The following CLVS1 variants were observed in gnomAD, a reference collection of about 807,000 sequenced individuals.
The protein encoded by CLVS1 is clavesin-1.
A neutral mutation model predicts 33.1 loss-of-function variants in CLVS1; 10 were observed. That is an observed-to-expected ratio of 0.30 (90% confidence interval 0.19 to 0.51). The LOEUF (loss-of-function observed/expected upper bound fraction) is 0.51, where lower values mean the gene tolerates loss of function less well. Among genes scored for constraint, CLVS1 ranks in the 20% least tolerant of loss-of-function variants. CLVS1 has a pLI of 0.97. For synonymous variants in CLVS1, 163 were observed against 166.1 expected, an observed-to-expected ratio of 0.98 and a Z score of 0.14; for missense variants, 343 against 433.4, an observed-to-expected ratio of 0.79 and a Z score of 1.85.
chr8:61,110,989 G>A (rs1385860733), intron 1 of CLVS1, among the ~76,000 whole-genome samples: 1 of 152,146 alleles, frequency 6.6e-6, no homozygotes. Context: ...GGATAATGTT[G>A]CTATGAATAT....
At chr8:61,051,246 C>T in the CLVS1 span, among the ~76,000 whole-genome samples, 2 of 152,250 alleles carry the variant, frequency 1.3e-5, no homozygotes, top group Non-Finnish European at 2.9e-5. Context: ...ATCTACCCTG[C>T]ATGGCTGTTG....
At chr8:61,357,494 C>CTTTTTTCTTT (rs1812776886) in intron 2 of CLVS1, among the ~76,000 whole-genome samples, 2 of 25,810 alleles carry the variant, frequency 7.7e-5, no homozygotes, top group African/African-American at 2.0e-4. Context: ...TTTTTCTTTT[C>CTTTTTTCTTT]TTTTTTTTTT....
chr8:61,110,368 C>A (rs562993056), intron 1 of CLVS1, among the ~76,000 whole-genome samples: 2 of 152,124 alleles, frequency 1.3e-5, no homozygotes, highest in Non-Finnish European at 2.9e-5. Flanking sequence ...CTTTTTGAGA[C>A]GGCTTCCTCA....
At chr8:61,152,132 A>G (rs1051959404) in intron 2 of CLVS1, among the ~76,000 whole-genome samples, 1 of 152,142 alleles carries the variant, frequency 6.6e-6, no homozygotes, top group Non-Finnish European at 1.5e-5. Context: ...AACAACAAAC[A>G]TTTATTTCTC....
intron 3 of CLVS1, among the ~76,000 whole-genome samples, chr8:61,438,036 A>G (rs1319014817): frequency 6.6e-6 from 1 of 152,146 alleles, no homozygotes; most frequent in African/African-American, 2.4e-5. Context: ...AATTTTGTTT[A>G]ATTTTAAGTT....
intron 3 of CLVS1, among the ~76,000 whole-genome samples, chr8:61,382,531 C>T (rs1262860232): frequency 6.6e-6 from 1 of 152,196 alleles, no homozygotes; most frequent in Non-Finnish European, 1.5e-5. Flanking sequence ...TGAATCAGAG[C>T]TGTATTTCAA....
At chr8:61,261,988 G>GTGTGTGTGTA (rs1263723621) in intron 2 of CLVS1, among the ~76,000 whole-genome samples, 184 of 90,926 alleles carry the variant, frequency 2.0e-3, no homozygotes, top group East Asian at 0.016. Flanking sequence ...GTGTGTGTGT[G>GTGTGTGTGTA]TGTGTGTGTG....
rs866456094 is a variant in CLVS1 at position 61,269,326 on chromosome 8, T to C, written c.-151-30351T>C. 3.9e-5 allele frequency among the ~76,000 whole-genome samples: 6 copies of C among 152,346 alleles called. No homozygotes were observed. The Middle Eastern group carries it at 0.01, about 259-fold the overall frequency. On this transcript the variant is annotated intron_variant, in intron 2 of 2. Transcript: ENST00000522621. ...TGGTTTGTCAAAGATCAGATAGTTG[T>C]AGATGTGTGGTATTATTTCTGAGGG... is the stretch of plus-strand genomic sequence containing the variant.
intron 3 of CLVS1, among the ~76,000 whole-genome samples, chr8:61,389,420 A>G (rs1032846923): frequency 4.3e-4 from 66 of 152,172 alleles, no homozygotes; most frequent in African/African-American, 1.4e-3. Flanking sequence ...ACATGCCTGT[A>G]GTCCCAGCTA....
At chr8:61,164,222 GA>G (rs753972008) in intron 2 of CLVS1, among the ~76,000 whole-genome samples, 108 of 152,314 alleles carry the variant, frequency 7.1e-4, no homozygotes, top group Non-Finnish European at 1.3e-3. Context: ...CTAGGCGTAG[GA>G]ATTCTTAGTC....
chr8:61,456,655 G>A (rs372150041), intron 4 of CLVS1, among the ~76,000 whole-genome samples: 1 of 152,050 alleles, frequency 6.6e-6, no homozygotes, highest in Non-Finnish European at 1.5e-5. Context: ...GGTGGCTCAC[G>A]CCTGTAATCC....
chr8:61,220,769 A>G (rs968156133), intron 2 of CLVS1, among the ~76,000 whole-genome samples: 1 of 151,894 alleles, frequency 6.6e-6, no homozygotes, highest in Non-Finnish European at 1.5e-5. Flanking sequence ...CATTTTCATG[A>G]TATTGATTCT....
rs1393874863 is a variant in CLVS1, at chr8:61,117,953, G to A, written c.-242-13817G>A. 2.6e-5 allele frequency among the ~76,000 whole-genome samples: 4 copies of A among 152,204 alleles called. No homozygotes were observed. The East Asian group carries it at 7.7e-4, about 29-fold the overall frequency. ...AATAGTTTCAGAAGGAATGGTACCA[G>A]TTCCTCCTTGTACCTCTGGTAGACT... On this transcript the variant is annotated intron_variant, in intron 1 of 2. Transcript: ENST00000522621.
At chr8:61,239,816 C>T (rs922006557) in intron 2 of CLVS1, among the ~76,000 whole-genome samples, 6 of 152,154 alleles carry the variant, frequency 3.9e-5, no homozygotes, top group Non-Finnish European at 7.3e-5. Context: ...TAAGCTTTCA[C>T]GCAATATGTA....
intron 1 of CLVS1, among the ~76,000 whole-genome samples, chr8:61,089,672 G>A (rs573351817): frequency 6.6e-6 from 1 of 152,188 alleles, no homozygotes; most frequent in African/African-American, 2.4e-5. Flanking sequence ...TAATCCCAGG[G>A]CTTTGGGAGG....
chr8:61,229,347 G>T (rs1239923396), intron 2 of CLVS1, among the ~76,000 whole-genome samples: 1 of 152,138 alleles, frequency 6.6e-6, no homozygotes, highest in Non-Finnish European at 1.5e-5. Context: ...GGCCCTTACT[G>T]ACCACTTGCT....
chr8:61,030,848 G>A, the CLVS1 span, among the ~76,000 whole-genome samples: 1 of 152,206 alleles, frequency 6.6e-6, no homozygotes, highest in Non-Finnish European at 1.5e-5. Flanking sequence ...ACAGTAGAAA[G>A]GTGTAGGTTT....
intron 3 of CLVS1, among the ~76,000 whole-genome samples, chr8:61,448,707 CTCTCAAAAA>C (rs1174705153): frequency 1.4e-5 from 2 of 144,992 alleles, no homozygotes; most frequent in Non-Finnish European, 3.0e-5. Context: ...GAGACCCTCT[CTCTCAAAAA>C]AAAAAAAAAT....
At position 61,279,445 on chromosome 8, in the gene CLVS1, T is replaced by C. The variant is rs367960807; in HGVS notation, c.-151-20232T>C. On this transcript the variant is annotated intron_variant, in intron 2 of 2. Transcript: ENST00000522621. Reference sequence around the variant, plus strand: ...AGAGTACTGACTTGCAAGTTACAAATGTTAAAACCAAACTCTTGTAGTAGC... The same window carrying C: ...AGAGTACTGACTTGCAAGTTACAAACGTTAAAACCAAACTCTTGTAGTAGC... Among the ~76,000 whole-genome samples, 72 of 152,342 alleles carry C rather than the reference T, an allele frequency of 4.7e-4. 1 individual carries two copies. Among genetic ancestry groups the C allele is most frequent in the African/African-American group, 1.7e-3 (72 of 41,572 alleles).
Sources: gnomAD v4.1 joint callset for allele counts (sites outside exome capture counted in the v4.1 genomes callset) on GRCh38, gnomAD v4.1.1 for gene constraint, MANE v1.5 for transcripts, NCBI Gene and HGNC (gene_info 2026-07-23, HGNC 2026-07-21) for gene names.